The following DMD variants were observed in gnomAD, a reference collection of about 807,000 sequenced individuals.
DMD encodes dystrophin, also known as mutant dystrophin.
A neutral mutation model predicts 330.1 loss-of-function variants in DMD; 63 were observed. That is an observed-to-expected ratio of 0.19 (90% CI 0.16 to 0.24). DMD has a LOEUF of 0.24. Ranked by LOEUF, DMD falls within the 10% of genes least tolerant of loss-of-function variation. The pLI, the probability that DMD is intolerant of heterozygous loss-of-function variation, is 1.00. For synonymous variants in DMD, 1,223 were observed against 959.8 expected, an observed-to-expected ratio of 1.27 and a Z score of -5.07; for missense variants, 3,344 against 2,684.1, an observed-to-expected ratio of 1.25 and a Z score of -5.43.
intron 44 of DMD, among the ~76,000 whole-genome samples, chrX:32,050,975 T>TTTTTTTTTTTTTTA (rs1431778850): frequency 1.6e-5 from 1 of 63,382 alleles, no homozygotes; most frequent in African/African-American, 7.3e-5. Flanking sequence ...TAACTTCCTC[T>TTTTTTTTTTTTTTA]TTTTTTTTTT....
At chrX:31,350,630 T>A (rs6631297) in intron 60 of DMD, among the ~76,000 whole-genome samples, 13,812 of 44,669 alleles carry the variant, frequency 0.31, 1,248 homozygotes, top group East Asian at 0.46. Flanking sequence ...TGTGTGTGTG[T>A]GTGAGAGAGA....
chrX:31,380,221 C>T (rs1220200863), intron 60 of DMD, among the ~76,000 whole-genome samples: 4 of 110,775 alleles, frequency 3.6e-5, no homozygotes, highest in Non-Finnish European at 5.7e-5. Context: ...CTCTTTTAAG[C>T]ACTCCTTTTT....
chrX:32,966,762 G>A (rs2092171868), intron 2 of DMD, among the ~76,000 whole-genome samples: 1 of 111,970 alleles, frequency 8.9e-6, no homozygotes, highest in African/African-American at 3.2e-5. Flanking sequence ...GTAGCTGATA[G>A]AGGTGAGAAA....
At chrX:32,570,977 T>C (rs2052350541) in intron 15 of DMD, among the ~76,000 whole-genome samples, 1 of 111,961 alleles carries the variant, frequency 8.9e-6, no homozygotes, top group Non-Finnish European at 1.9e-5. Context: ...TTTCCAAAGA[T>C]GGCTGTAAAA....
rs191225744 is a variant in DMD, at chrX:32,356,492, G to A, written c.5325+6296C>T. Among the ~76,000 whole-genome samples, 433 of 107,734 alleles carry A rather than the reference G, an allele frequency of 4.0e-3. 1 individual carries two copies. Among genetic ancestry groups the A allele is most frequent in the African/African-American group, 0.014 (423 of 29,656 alleles). The allele number at this position is 107,734 out of a possible 115,157, so 93.6% of individuals were successfully genotyped here. A position where few individuals can be genotyped will look rare whatever the true frequency, so the allele number is the denominator to read the frequency against. On this transcript the variant is annotated intron_variant, in intron 37 of 78. Transcript: ENST00000357033. Reference sequence around the variant, plus strand: ...ATTGTCCAAATCTCATATTACAGTTGTAATACATATATATAGAAACTGCTA... The same window carrying A: ...ATTGTCCAAATCTCATATTACAGTTATAATACATATATATAGAAACTGCTA...
chrX:32,069,369 T>C (rs1168784159), intron 44 of DMD, among the ~76,000 whole-genome samples: 1 of 111,622 alleles, frequency 9.0e-6, no homozygotes, highest in African/African-American at 3.2e-5. Context: ...TTTTAAAAGG[T>C]AATAATAATT....
chrX:33,235,676 A>T (rs1298088703), intron 1 of DMD, among the ~76,000 whole-genome samples: 1 of 110,256 alleles, frequency 9.1e-6, no homozygotes, highest in Non-Finnish European at 1.9e-5. Context: ...CACACCTAGC[A>T]ACCTCAAGGT....
chrX:32,580,795 T>C (rs2053572505), intron 13 of DMD, among the ~76,000 whole-genome samples: 1 of 111,819 alleles, frequency 8.9e-6, no homozygotes, highest in Non-Finnish European at 1.9e-5. Flanking sequence ...CTTTACAATT[T>C]TAAACAACAG....
At chrX:33,059,489 G>C (rs2094557297) in intron 1 of DMD, among the ~76,000 whole-genome samples, 1 of 110,864 alleles carries the variant, frequency 9.0e-6, no homozygotes, top group Non-Finnish European at 1.9e-5. Flanking sequence ...CAGAGCAAAT[G>C]AATAATCTTT....
chrX:33,128,379 T>G, intron 1 of DMD: 10 of 1,018,878 alleles, frequency 9.8e-6, no homozygotes, highest in Non-Finnish European at 1.2e-5. Flanking sequence ...TCCACTCCGG[T>G]TGCCGTGAAT....
chrX:32,827,217 A>G (rs2078789121), intron 4 of DMD, among the ~76,000 whole-genome samples: 1 of 110,720 alleles, frequency 9.0e-6, no homozygotes, highest in South Asian at 3.8e-4. Flanking sequence ...AAAGGAAGTA[A>G]CATTGTGAAA....
At chrX:31,162,347 T>C (rs1017739059) in intron 74 of DMD, among the ~76,000 whole-genome samples, 1 of 10,356 alleles carries the variant, frequency 9.7e-5, no homozygotes, top group Admixed American at 1.1e-3. Context: ...AGGGTCTTCA[T>C]GAAAAATCTA....
At chrX:32,987,697 T>G (rs1021100699) in intron 2 of DMD, among the ~76,000 whole-genome samples, 5 of 111,074 alleles carry the variant, frequency 4.5e-5, no homozygotes, top group African/African-American at 1.6e-4. Flanking sequence ...ACCCTGCTAC[T>G]TGTAGAGGCT....
Position 32,441,290 on chromosome X carries a change from A to G in DMD, c.3811T>C (p.Leu1271=). The G allele has an allele frequency of 8.3e-7, 1 of 1,208,415 alleles. No homozygotes were observed. The highest frequency in any genetic ancestry group is 1.1e-6 in the Non-Finnish European group (1 of 892,715). ...LEEVWACWHE[L]LSYLEKANKW... Reference sequence around the variant, plus strand: ...TTTGCTTTCTCCAAGTATGACAATAACTCATGCCAACATGCCCAAACTTCC... The same window carrying G: ...TTTGCTTTCTCCAAGTATGACAATAGCTCATGCCAACATGCCCAAACTTCC... Residue 1271 remains leucine, a synonymous_variant, in exon 28 of 79, where the codon TTA becomes CTA. Coordinates refer to ENST00000357033, the MANE Select transcript of DMD (RefSeq NM_004006.3).
chrX:32,445,385 C>T (rs768933894), intron 27 of DMD, among the ~76,000 whole-genome samples: 1 of 110,724 alleles, frequency 9.0e-6, no homozygotes, highest in Non-Finnish European at 1.9e-5. Flanking sequence ...TTTCCCTCTT[C>T]ACCCTCCCTT....
chrX:32,726,179 G>A (rs894427325), intron 7 of DMD, among the ~76,000 whole-genome samples: 7 of 110,883 alleles, frequency 6.3e-5, no homozygotes, highest in East Asian at 2.8e-4. Flanking sequence ...ATGACACTGC[G>A]GGGTTAGCAA....
At chrX:32,954,457 A>T (rs770754933) in intron 2 of DMD, among the ~76,000 whole-genome samples, 56 of 111,853 alleles carry the variant, frequency 5.0e-4, no homozygotes, top group African/African-American at 1.8e-3. Flanking sequence ...ACTAAAACCC[A>T]CTAAGGCTCC....
intron 59 of DMD, among the ~76,000 whole-genome samples, chrX:31,445,463 G>C (rs1194586704): frequency 8.9e-6 from 1 of 111,880 alleles, no homozygotes. Flanking sequence ...AAAGTAACAA[G>C]AAAAATATAT....
intron 20 of DMD, 33 bp from the exon 21 acceptor site, chrX:32,485,132 G>T: frequency 8.5e-7 from 1 of 1,177,942 alleles, no homozygotes; most frequent in South Asian, 1.8e-5. Context: ...TAAGTAACAC[G>T]TTTACTTTGC....
Sources: gnomAD v4.1 joint callset for allele counts (sites outside exome capture counted in the v4.1 genomes callset) on GRCh38, gnomAD v4.1.1 for gene constraint, MANE v1.5 for transcripts, NCBI Gene and HGNC (gene_info 2026-07-23, HGNC 2026-07-21) for gene names.